Variants in MGMT observed in about 807,000 individuals in gnomAD.
MGMT encodes methylated-DNA--protein-cysteine methyltransferase.
Under a neutral mutation model 15.9 loss-of-function variants are expected in MGMT, and 14 were observed. The observed-to-expected ratio is 0.88, with a 90% CI of 0.58 to 1.37. The LOEUF is 1.37. MGMT is among the 40% of genes most tolerant of loss of function. The pLI is 0.00. For missense variants in MGMT, 282 were observed against 268.1 expected, an observed-to-expected ratio of 1.05 and a Z score of -0.36; for synonymous variants, 130 against 118.2, an observed-to-expected ratio of 1.10 and a Z score of -0.65.
chr10:129,485,265 C>G (rs920648954), intron 1 of MGMT, among the ~76,000 whole-genome samples: 1 of 152,138 alleles, frequency 6.6e-6, no homozygotes, highest in African/African-American at 2.4e-5. Context: ...GGTACTCCAT[C>G]CTGATGATTC....
At chr10:129,673,252 T>A (rs1412831023) in intron 2 of MGMT, among the ~76,000 whole-genome samples, 2 of 151,838 alleles carry the variant, frequency 1.3e-5, no homozygotes, top group Admixed American at 1.3e-4. Flanking sequence ...TATGACCCAC[T>A]CCTTTCATAA....
In MGMT at chr10:129,712,239, G is replaced by A. The variant is rs76220330; in HGVS notation, c.274+4196G>A. Among the ~76,000 whole-genome samples, 304 of 152,276 alleles carry A rather than the reference G, an allele frequency of 2.0e-3. 5 individuals carry two copies. The East Asian group carries it at 0.05, about 25-fold the overall frequency. On this transcript the variant is annotated intron_variant, in intron 3 of 4. Transcript: ENST00000651593. The stretch of plus-strand genomic sequence containing the variant: ...AGGACCAGGCCTTGGGGCTGCCCAC[G>A]CGAGACTGTGGGGAGCCTAGCTGGG...
At chr10:129,746,251 A>C (rs956344549) in intron 3 of MGMT, among the ~76,000 whole-genome samples, 32 of 148,244 alleles carry the variant, frequency 2.2e-4, no homozygotes, top group African/African-American at 8.1e-4. Flanking sequence ...AAAAAAAAAA[A>C]AAAACAAACA....
chr10:129,643,695 G>A (rs780150477), intron 2 of MGMT, among the ~76,000 whole-genome samples: 1 of 152,236 alleles, frequency 6.6e-6, no homozygotes, highest in East Asian at 1.9e-4. Flanking sequence ...AATGTTCACA[G>A]TAGTCTGTTA....
intron 1 of MGMT, among the ~76,000 whole-genome samples, chr10:129,524,483 A>G (rs1249444362): frequency 6.6e-6 from 1 of 151,244 alleles, no homozygotes; most frequent in Admixed American, 6.6e-5. Flanking sequence ...CTCTTCATAT[A>G]GATTTTTCTT....
At chr10:129,489,359 CAAAAAAAA>C (rs34274988) in intron 1 of MGMT, among the ~76,000 whole-genome samples, 3 of 57,362 alleles carry the variant, frequency 5.2e-5, no homozygotes, top group African/African-American at 7.5e-5. Context: ...GACTCTGTCT[CAAAAAAAA>C]AAAAAAAAAA....
At chr10:129,651,816 A>G (rs1412025766) in intron 2 of MGMT, among the ~76,000 whole-genome samples, 5 of 152,236 alleles carry the variant, frequency 3.3e-5, no homozygotes, top group African/African-American at 1.2e-4. Flanking sequence ...ATTCGAGAGC[A>G]TGTGCTAGTT....
chr10:129,751,436 A>G (rs1052103700), intron 3 of MGMT, among the ~76,000 whole-genome samples: 1 of 151,946 alleles, frequency 6.6e-6, no homozygotes, highest in African/African-American at 2.4e-5. Flanking sequence ...AGAGATTTAT[A>G]AATTTTATTG....
intron 2 of MGMT, among the ~76,000 whole-genome samples, chr10:129,569,293 G>A (rs1462869732): frequency 6.6e-6 from 1 of 152,296 alleles, no homozygotes; most frequent in Admixed American, 6.5e-5. Flanking sequence ...GGGGGCGGGG[G>A]TGAGGGTGGC....
Position 129,467,532 on chromosome 10 carries a change from CGTGTGGCGGGG to C in MGMT, c.-13+239_-13+249del, listed in dbSNP as rs927209424. ...CTGCGCTGCAGTGACTGTGGACTGG[CGTGTGGCGGGG>C]GTCGTGGCAGCCCCTGCCTTACCTC... On this transcript the variant is annotated intron_variant, in intron 1 of 4. Coordinates refer to ENST00000651593, the MANE Select transcript of MGMT (RefSeq NM_002412.5). 5.9e-5 allele frequency: 43 copies of C among 726,978 alleles called. No homozygotes were observed. In the East Asian group the frequency reaches 1.6e-3, roughly 27 times the overall value. 45.0% of individuals were successfully genotyped at this position (726,978 alleles called of 1,614,324 possible). A position where few individuals can be genotyped will look rare whatever the true frequency, so the allele number is the denominator to read the frequency against.
intron 2 of MGMT, among the ~76,000 whole-genome samples, chr10:129,601,477 T>C (rs1193516757): frequency 2.6e-5 from 4 of 152,108 alleles, no homozygotes; most frequent in Admixed American, 1.3e-4. Context: ...GGAAGGAGGG[T>C]GTCCAGCCTT....
chr10:129,744,959 T>C (rs1318629738), intron 3 of MGMT, among the ~76,000 whole-genome samples: 1 of 152,148 alleles, frequency 6.6e-6, no homozygotes, highest in Non-Finnish European at 1.5e-5. Flanking sequence ...ATGTCTACTC[T>C]AGGTCATCCA....
chr10:129,675,395 T>C (rs1847773322), intron 2 of MGMT, among the ~76,000 whole-genome samples: 1 of 152,150 alleles, frequency 6.6e-6, no homozygotes, highest in Non-Finnish European at 1.5e-5. Context: ...AGTAGAAGGA[T>C]GACAGCAGTG....
chr10:129,608,872 C>T (rs750544030), intron 2 of MGMT, among the ~76,000 whole-genome samples: 2 of 152,214 alleles, frequency 1.3e-5, no homozygotes, highest in Non-Finnish European at 2.9e-5. Flanking sequence ...GGGCTGAATG[C>T]GGAGTGTGGT....
chr10:129,706,614 G>T (rs1350894863), intron 2 of MGMT, among the ~76,000 whole-genome samples: 1 of 152,152 alleles, frequency 6.6e-6, no homozygotes, highest in African/African-American at 2.4e-5. Context: ...CGTTTGTCTG[G>T]GGCCTCGAGA....
intron 3 of MGMT, among the ~76,000 whole-genome samples, chr10:129,757,416 C>A (rs1283688709): frequency 6.6e-6 from 1 of 152,196 alleles, no homozygotes; most frequent in Non-Finnish European, 1.5e-5. Flanking sequence ...TCGTTTCATT[C>A]CTACAAGTTT....
chr10:129,581,376 C>G, intron 2 of MGMT, among the ~76,000 whole-genome samples: 1 of 152,146 alleles, frequency 6.6e-6, no homozygotes, highest in Non-Finnish European at 1.5e-5. Flanking sequence ...GCCATTCCTC[C>G]GGTGGCAGTC....
chr10:129,610,721 A>T lies in MGMT; in HGVS notation c.125+74344A>T, dbSNP rs142104504. Among the ~76,000 whole-genome samples, 17 of 152,370 alleles carry T rather than the reference A, an allele frequency of 1.1e-4. No homozygotes were observed. In the East Asian group the frequency reaches 3.1e-3, roughly 28 times the overall value. On this transcript the variant is annotated intron_variant, in intron 2 of 4. Transcript: ENST00000651593. ...TGGCAGAGTTGAATAGTTGCAATAAAGTCTGACCTGCAAATCTAAAATGTG... is the reference window on the plus strand; with the variant it reads ...TGGCAGAGTTGAATAGTTGCAATAATGTCTGACCTGCAAATCTAAAATGTG...
chr10:129,583,853 G>GTT (rs201821668), intron 2 of MGMT, among the ~76,000 whole-genome samples: 5 of 151,920 alleles, frequency 3.3e-5, no homozygotes, highest in Non-Finnish European at 7.4e-5. Context: ...CTTTCGTTTT[G>GTT]TTTTTTTTGG....
Sources: allele counts gnomAD v4.1 joint callset (sites outside exome capture counted in the v4.1 genomes callset), GRCh38; gene constraint gnomAD v4.1.1; transcripts MANE v1.5; gene names NCBI Gene and HGNC (gene_info 2026-07-23, HGNC 2026-07-21).